Variants in MYPOP observed in about 807,000 individuals in gnomAD.
The protein encoded by MYPOP is myb-related transcription factor, partner of profilin.
Under a neutral mutation model 25.7 loss-of-function variants are expected in MYPOP, and 21 were observed. The observed-to-expected ratio is 0.82, with a 90% CI of 0.58 to 1.18. The LOEUF (loss-of-function observed/expected upper bound fraction) is 1.18, where lower values mean the gene tolerates loss of function less well. Ranked by LOEUF, MYPOP falls within the 50% of genes most tolerant of loss-of-function variation. The pLI is 0.00. For synonymous variants in MYPOP, 280 were observed against 247.9 expected, an observed-to-expected ratio of 1.13 and a Z score of -1.22; for missense variants, 566 against 588.3, an observed-to-expected ratio of 0.96 and a Z score of 0.39.
At chr19:45,892,967 T>C (rs1967146791) in intron 2 of MYPOP, among the ~76,000 whole-genome samples, 1 of 152,200 alleles carries the variant, frequency 6.6e-6, no homozygotes, top group Admixed American at 6.6e-5. Context: ...GCCATTTATA[T>C]GAAATGTCCA....
chr19:45,890,723 C>CGGGCGGGGGGGGGGGGGGGGCG lies in MYPOP; in HGVS notation c.1099_1100insCGCCCCCCCCCCCCCCCCGCCC (p.Arg367ProfsTer90). 8.4e-7 allele frequency: 1 copy of CGGGCGGGGGGGGGGGGGGGGCG among 1,193,554 alleles called. No homozygotes were observed. The highest frequency in any genetic ancestry group is 1.2e-6 in the Non-Finnish European group (1 of 836,830). The allele number at this position is 1,193,554 out of a possible 1,614,324, so 73.9% of individuals were successfully genotyped here. Reference sequence around the variant, plus strand: ...CGGAGGGAGCGGGGCTGGGGGGGGCCGGGGTGCCCCCTCCTCGCTCCTTGG... The same window carrying CGGGCGGGGGGGGGGGGGGGGCG: ...CGGAGGGAGCGGGGCTGGGGGGGGCCGGGCGGGGGGGGGGGGGGGGCGGGGGTGCCCCCTCCTCGCTCCTTGG... On this transcript the variant is annotated frameshift_variant, in exon 3 of 3. Transcript: ENST00000322217. LOFTEE classifies it high-confidence loss of function.
Position 45,890,956 on chromosome 19 carries a change from C to T in MYPOP, c.867G>A (p.Glu289=). 1.4e-6 allele frequency: 2 copies of T among 1,476,892 alleles called. No homozygotes were observed. The highest frequency in any genetic ancestry group is 2.4e-5 in the Admixed American group (1 of 42,452). The allele number at this position is 1,476,892 out of a possible 1,614,324, so 91.5% of individuals were successfully genotyped here. A position where few individuals can be genotyped will look rare whatever the true frequency, so the allele number is the denominator to read the frequency against. Residue 289 remains glutamate, a synonymous_variant, in exon 3 of 3, where the codon GAG becomes GAA. Coordinates refer to ENST00000322217, the MANE Select transcript of MYPOP (RefSeq NM_001012643.4). The part of the protein sequence containing the change: ...TLRQGLAKLS[E]ALSALLPLLP... ...GAAGGGGCAGCAGAGCGCTGAGGGC[C>T]TCGCTCAGTTTGGCCAGTCCCTGTC...
intron 2 of MYPOP, among the ~76,000 whole-genome samples, chr19:45,894,554 C>G (rs1348344385): frequency 1.3e-5 from 2 of 150,074 alleles, no homozygotes; most frequent in East Asian, 2.0e-4. Context: ...TCTGGGACCA[C>G]AGAGGTGCGA....
At chr19:45,900,806 G>A (rs930359129) in intron 2 of MYPOP, among the ~76,000 whole-genome samples, 2 of 152,202 alleles carry the variant, frequency 1.3e-5, no homozygotes, top group African/African-American at 4.8e-5. Flanking sequence ...CTAACAATGA[G>A]AGTTGAGGAG....
At chr19:45,898,321 CTTTT>C (rs1192200429) in intron 2 of MYPOP, among the ~76,000 whole-genome samples, 2 of 150,304 alleles carry the variant, frequency 1.3e-5, no homozygotes, top group Non-Finnish European at 3.0e-5. Context: ...GTGTATGGTT[CTTTT>C]TTTTGTTTTT....
At chr19:45,896,825 C>T (rs1197038009) in intron 2 of MYPOP, among the ~76,000 whole-genome samples, 1 of 151,662 alleles carries the variant, frequency 6.6e-6, no homozygotes, top group Non-Finnish European at 1.5e-5. Context: ...CGGGGTTTCA[C>T]CTTGTTAGCC....
chr19:45,902,299 G>T (rs1967313064), intron 1 of MYPOP, among the ~76,000 whole-genome samples: 2 of 151,866 alleles, frequency 1.3e-5, no homozygotes, highest in African/African-American at 4.8e-5. Context: ...CGGGGCGTCT[G>T]TAAGACCGAT....
In MYPOP at chr19:45,901,895, C is replaced by T; in HGVS notation, c.-52-70G>A. The T allele has an allele frequency of 1.3e-6, 1 of 797,414 alleles. No homozygotes were observed. Among genetic ancestry groups the T allele is most frequent in the Non-Finnish European group, 1.7e-6 (1 of 597,740 alleles). 49.4% of individuals were successfully genotyped at this position (797,414 alleles called of 1,614,324 possible). A position where few individuals can be genotyped will look rare whatever the true frequency, so the allele number is the denominator to read the frequency against. On this transcript the variant is annotated intron_variant, in intron 1 of 2. Coordinates refer to ENST00000322217, the MANE Select transcript of MYPOP (RefSeq NM_001012643.4). The surrounding 1 kb of genome is among the most constrained non-coding windows in gnomAD (Gnocchi z 5.7). ...CCCGCCGCCGCCTCTCCCAGACCGCCGGGCCGAGAGCTCCTTAGTCCCCGG... is the reference window on the plus strand; with the variant it reads ...CCCGCCGCCGCCTCTCCCAGACCGCTGGGCCGAGAGCTCCTTAGTCCCCGG...
Position 45,901,322 on chromosome 19 carries a change from G to A in MYPOP, c.452C>T (p.Pro151Leu). ...SSQPPPPSAC[P>L]QRYVLSEDRR... Reference sequence around the variant, plus strand: ...GTCTTCCGACAACACGTAGCGCTGAGGGCAGGCGCTTGGGGGCGGCGGCTG... The same window carrying A: ...GTCTTCCGACAACACGTAGCGCTGAAGGCAGGCGCTTGGGGGCGGCGGCTG... The change falls in exon 2 of 3, where the codon CCT becomes CTT. Residue 151 changes from proline to leucine, a missense_variant. Physicochemically the swap from Pro to Leu is moderately conservative, Grantham distance 98 (BLOSUM62 -3). Coordinates refer to ENST00000322217, the MANE Select transcript of MYPOP (RefSeq NM_001012643.4). This position sits in a 1 kb window ranked among gnomAD's most constrained non-coding sequence, Gnocchi z 5.7. The A allele has an allele frequency of 6.9e-7, 1 of 1,459,430 alleles. No homozygotes were observed. Among genetic ancestry groups the A allele is most frequent in the Non-Finnish European group, 9.0e-7 (1 of 1,106,700 alleles). The allele number at this position is 1,459,430 out of a possible 1,614,324, so 90.4% of individuals were successfully genotyped here.
At chr19:45,894,956 T>C (rs1967181663) in intron 2 of MYPOP, among the ~76,000 whole-genome samples, 1 of 152,132 alleles carries the variant, frequency 6.6e-6, no homozygotes, top group African/African-American at 2.4e-5. Flanking sequence ...GACCTCGTGA[T>C]CCACCCACCT....
Position 45,901,776 on chromosome 19 carries a change from C to A in MYPOP, c.-3G>T. On this transcript the variant is annotated 5_prime_UTR_variant, in exon 2 of 3. Transcript: ENST00000322217. The surrounding 1 kb of genome is among the most constrained non-coding windows in gnomAD (Gnocchi z 5.7). Reference sequence around the variant, plus strand: ...TCGCCCGCCGCCGCCGAGGCCATGGCGCCCCCCGACGCCGCCGTCCTGCCG... The same window carrying A: ...TCGCCCGCCGCCGCCGAGGCCATGGAGCCCCCCGACGCCGCCGTCCTGCCG... 4 of 1,431,228 alleles carry A rather than the reference C, an allele frequency of 2.8e-6. No individual in the cohort carries two copies. Among genetic ancestry groups the A allele is most frequent in the Non-Finnish European group, 2.7e-6 (3 of 1,095,600 alleles). 88.7% of individuals were successfully genotyped at this position (1,431,228 alleles called of 1,614,324 possible).
At chr19:45,897,894 T>C (rs1967228766) in intron 2 of MYPOP, among the ~76,000 whole-genome samples, 1 of 151,674 alleles carries the variant, frequency 6.6e-6, no homozygotes, top group African/African-American at 2.4e-5. Context: ...TTTGCAAACT[T>C]TGGATCTCAG....
At chr19:45,898,788 T>C (rs924936991) in intron 2 of MYPOP, among the ~76,000 whole-genome samples, 1 of 152,140 alleles carries the variant, frequency 6.6e-6, no homozygotes, top group Non-Finnish European at 1.5e-5. Flanking sequence ...AGAGAAGCCC[T>C]CCCTGATTAC....
chr19:45,900,454 C>CCA (rs72528725), intron 2 of MYPOP, among the ~76,000 whole-genome samples: 1 of 137,084 alleles, frequency 7.3e-6, no homozygotes, highest in Non-Finnish European at 1.5e-5. Flanking sequence ...GGACCACCCC[C>CCA]CCCCCCACCG....
At chr19:45,895,270 G>A (rs1967186436) in intron 2 of MYPOP, among the ~76,000 whole-genome samples, 1 of 151,634 alleles carries the variant, frequency 6.6e-6, no homozygotes, top group Admixed American at 6.6e-5. Context: ...TTTTGAGACG[G>A]ACTCTCATTC....
In MYPOP at chr19:45,901,675, G is replaced by A. The variant is rs1967297221; in HGVS notation, c.99C>T (p.Arg33=). Residue 33 remains arginine, a synonymous_variant, in exon 2 of 3, where the codon CGC becomes CGT. Coordinates refer to ENST00000322217, the MANE Select transcript of MYPOP (RefSeq NM_001012643.4). This position sits in a 1 kb window ranked among gnomAD's most constrained non-coding sequence, Gnocchi z 5.7. The stretch of plus-strand genomic sequence containing the variant: ...CGCCGTAGAGCTGCGGGTAGTGGGC[G>A]CGCACCTCGCGGATCAGGATCTGGT... ...EENQILIREV[R]AHYPQLYGAQ... 6.2e-7 allele frequency: 1 copy of A among 1,608,594 alleles called. No individual in the cohort carries two copies. The highest frequency in any genetic ancestry group is 2.2e-5 in the East Asian group (1 of 44,634).
At chr19:45,897,967 A>G (rs939317786) in intron 2 of MYPOP, among the ~76,000 whole-genome samples, 23 of 148,704 alleles carry the variant, frequency 1.5e-4, no homozygotes, top group Admixed American at 1.5e-3. Flanking sequence ...TCTGTCACCC[A>G]GGCTGGAGTG....
chr19:45,891,450 C>CA, intron 2 of MYPOP, 127 bp from the exon 3 acceptor site: 15 of 1,173,726 alleles, frequency 1.3e-5, no homozygotes, highest in Non-Finnish European at 1.6e-5. Context: ...CCCCGCCCCC[C>CA]AGCCCCAAGA....
chr19:45,901,301 TC>T lies in MYPOP; in HGVS notation c.472del (p.Glu158LysfsTer130). On this transcript the variant is annotated frameshift_variant, in exon 2 of 3. Transcript: ENST00000322217. LOFTEE classifies it high-confidence loss of function. The surrounding 1 kb of genome is among the most constrained non-coding windows in gnomAD (Gnocchi z 5.7). ...TGCACGTCGGTCCTCCCGGCGGTCT[TC>T]CGACAACACGTAGCGCTGAGGGCAG... Reference protein sequence around the residue: ...SACPQRYVLSEDRREDRRADT... With the variant: ...SACPQRYVLSXDRREDRRADT... 6.9e-7 allele frequency: 1 copy of T among 1,455,202 alleles called. No individual in the cohort carries two copies. Among genetic ancestry groups the T allele is most frequent in the Non-Finnish European group, 9.0e-7 (1 of 1,105,074 alleles). The allele number at this position is 1,455,202 out of a possible 1,614,324, so 90.1% of individuals were successfully genotyped here.
Sources: allele counts gnomAD v4.1 joint callset (sites outside exome capture counted in the v4.1 genomes callset), GRCh38; gene constraint gnomAD v4.1.1; non-coding constraint Gnocchi (gnomAD v3.1); transcripts MANE v1.5; gene names NCBI Gene and HGNC (gene_info 2026-07-23, HGNC 2026-07-21).